TCF7: variants seen among roughly 807,000 people sequenced by gnomAD.
The protein encoded by TCF7 is transcription factor 7, also known as T-cell-factor-7.
In TCF7, 19 loss-of-function variants were observed where a neutral mutation model predicts 46.8. The ratio of observed to expected loss-of-function variants is 0.41; its 90% CI spans 0.28 to 0.60. The LOEUF (loss-of-function observed/expected upper bound fraction) is 0.60. TCF7 is among the 20% of genes least tolerant of loss of function. TCF7 has a pLI of 0.35. For missense variants in TCF7, 547 were observed against 504.6 expected, an observed-to-expected ratio of 1.08 and a Z score of -0.81; for synonymous variants, 245 against 213.4, an observed-to-expected ratio of 1.15 and a Z score of -1.29.
Position 134,142,768 on chromosome 5 carries a change from C to T in TCF7, c.803C>T (p.Thr268Ile), listed in dbSNP as rs770081890. ...SKAEKEAKKPTIKKPLNAFML... is the reference protein window; with the variant it reads ...SKAEKEAKKPIIKKPLNAFML... Reference sequence around the variant, plus strand: ...GCAGAGAAGGAGGCCAAGAAGCCAACCATCAAGAAGCCCCTCAATGCCTTC... The same window carrying T: ...GCAGAGAAGGAGGCCAAGAAGCCAATCATCAAGAAGCCCCTCAATGCCTTC... Residue 268 changes from threonine (T) to isoleucine (I), a missense_variant, in exon 7 of 10, where the codon ACC (threonine) becomes ATC (isoleucine). Coordinates refer to ENST00000342854, the MANE Select transcript of TCF7 (RefSeq NM_003202.5). 6.2e-7 allele frequency: 1 copy of T among 1,614,190 alleles called. No homozygotes were observed. Among genetic ancestry groups the T allele is most frequent in the South Asian group, 1.1e-5 (1 of 91,084 alleles).
At chr5:134,115,490 G>T in intron 2 of TCF7, 103 bp downstream of exon 2, 1 of 1,499,854 alleles carries the variant, frequency 6.7e-7, no homozygotes, top group Non-Finnish European at 8.9e-7. Context: ...CTCCCCCACC[G>T]CAGCTCAGGA....
In TCF7 at chr5:134,146,598, C is replaced by A. The variant is rs973924370; in HGVS notation, c.*295C>A. On this transcript the variant is annotated 3_prime_UTR_variant, in exon 10 of 10. Coordinates refer to ENST00000342854, the MANE Select transcript of TCF7 (RefSeq NM_003202.5). ...GAGACCCAGATCTCATGGAAACTGGCCAGGGGTCCTGTTAACGTCATCTCA... is the reference window on the plus strand; with the variant it reads ...GAGACCCAGATCTCATGGAAACTGGACAGGGGTCCTGTTAACGTCATCTCA... The A allele has an allele frequency of 1.4e-5, 10 of 689,718 alleles. No individual in the cohort carries two copies. The Admixed American group carries it at 2.3e-4, about 16-fold the overall frequency. The allele number at this position is 689,718 out of a possible 1,614,324, so 42.7% of individuals were successfully genotyped here.
chr5:134,109,770 C>CAAAAAAAAAAA (rs59510685), upstream of TCF7, among the ~76,000 whole-genome samples: 38 of 140,292 alleles, frequency 2.7e-4, no homozygotes, highest in African/African-American at 1.0e-3. Context: ...GGCTCCATCT[C>CAAAAAAAAAAA]AAAAAAAAAA....
intron 3 of TCF7, among the ~76,000 whole-genome samples, chr5:134,137,329 C>CCA (rs1033522911): frequency 3.0e-4 from 44 of 146,502 alleles, no homozygotes; most frequent in Admixed American, 4.3e-4. Flanking sequence ...GAAGCTGAGT[C>CCA]AGGAGAATCG....
the TCF7 span, among the ~76,000 whole-genome samples, chr5:134,108,448 G>C: frequency 2.0e-5 from 3 of 152,168 alleles, no homozygotes; most frequent in African/African-American, 7.2e-5. Flanking sequence ...AGTGACTACA[G>C]GATCTGGTAC....
upstream of TCF7, among the ~76,000 whole-genome samples, chr5:134,109,973 C>G (rs116235179): frequency 0.02 from 2,990 of 152,276 alleles, 105 homozygotes; most frequent in African/African-American, 0.068. Context: ...GGCCACTCCA[C>G]GTTTGCCTTC....
intron 9 of TCF7, 100 bp from the exon 10 acceptor site, chr5:134,146,124 A>C (rs1345108564): frequency 1.2e-6 from 2 of 1,609,342 alleles, no homozygotes; most frequent in African/African-American, 2.7e-5. Flanking sequence ...AGAGAGGACA[A>C]GGAATCAGCC....
At chr5:134,119,130 C>G (rs544167081) in intron 3 of TCF7, among the ~76,000 whole-genome samples, 10 of 152,170 alleles carry the variant, frequency 6.6e-5, no homozygotes, top group Non-Finnish European at 1.2e-4. Flanking sequence ...CTTAGGCAAA[C>G]TCAGGCTCAA....
At chr5:134,108,558 G>A in the TCF7 span, among the ~76,000 whole-genome samples, 3 of 152,158 alleles carry the variant, frequency 2.0e-5, no homozygotes, top group Non-Finnish European at 4.4e-5. Context: ...GGAATAAGAG[G>A]GTGAGCTTTC....
At chr5:134,109,067 T>G in the TCF7 span, among the ~76,000 whole-genome samples, 2 of 152,208 alleles carry the variant, frequency 1.3e-5, no homozygotes, top group African/African-American at 4.8e-5. Context: ...GTGAGTTGCC[T>G]GACGGCAGGT....
intron 3 of TCF7, among the ~76,000 whole-genome samples, chr5:134,130,103 CG>C (rs956926478): frequency 3.3e-5 from 5 of 152,174 alleles, no homozygotes; most frequent in Admixed American, 1.3e-4. Context: ...GTGCCTGGAG[CG>C]GGGGCTAGGG....
the TCF7 span, among the ~76,000 whole-genome samples, chr5:134,108,866 C>T: frequency 6.6e-6 from 1 of 152,180 alleles, no homozygotes; most frequent in Non-Finnish European, 1.5e-5. Context: ...GTGTGGCTTA[C>T]TGCCCCACCC....
At chr5:134,143,449 C>G in intron 8 of TCF7, 143 bp from the exon 9 acceptor site, 1 of 963,486 alleles carries the variant, frequency 1.0e-6, no homozygotes, top group Non-Finnish European at 1.7e-6. Context: ...CTAGCAAGAC[C>G]AGCAATCAAG....
chr5:134,145,597 C>G (rs1760576749), intron 9 of TCF7: 2 of 829,486 alleles, frequency 2.4e-6, no homozygotes, highest in Non-Finnish European at 1.9e-6. Context: ...CTAAGGAACA[C>G]TTGTCCAGCC....
rs150343910 is a variant in TCF7, at chr5:134,127,447, A to T, written c.442-10612A>T. On this transcript the variant is annotated intron_variant, in intron 3 of 9. Transcript: ENST00000342854. ...ACAGTTAAGACCTGTCTACAGGTGG[A>T]TCACTTCCTCTTTCTAGTGTTGGTC... Among the ~76,000 whole-genome samples, 3 of 152,236 alleles carry T rather than the reference A, an allele frequency of 2.0e-5. No individual in the cohort carries two copies. In the South Asian group the frequency reaches 6.2e-4, roughly 31 times the overall value.
chr5:134,111,109 T>C (rs1755325127), upstream of TCF7, among the ~76,000 whole-genome samples: 4 of 152,270 alleles, frequency 2.6e-5, no homozygotes, highest in African/African-American at 4.8e-5. Flanking sequence ...ATGACATCCA[T>C]TTAACCTATG....
intron 3 of TCF7, among the ~76,000 whole-genome samples, chr5:134,133,228 T>C (rs1758401124): frequency 6.6e-6 from 1 of 152,178 alleles, no homozygotes; most frequent in Non-Finnish European, 1.5e-5. Context: ...GAGGCATCAA[T>C]GCATTTAAAC....
At chr5:134,137,425 CA>C (rs752883165) in intron 3 of TCF7, among the ~76,000 whole-genome samples, 6,756 of 56,556 alleles carry the variant, frequency 0.12, 101 homozygotes, top group Admixed American at 0.2. Context: ...GACTCTGTCT[CA>C]AAAAAAAAAA....
At chr5:134,145,499 A>G (rs1405723193) in intron 9 of TCF7, 4 of 578,796 alleles carry the variant, frequency 6.9e-6, no homozygotes, top group African/African-American at 1.9e-5. Context: ...GGTTTACCCA[A>G]CAAGTGGTTA....
Sources: gnomAD v4.1 joint callset for allele counts (sites outside exome capture counted in the v4.1 genomes callset) on GRCh38, gnomAD v4.1.1 for gene constraint, MANE v1.5 for transcripts, NCBI Gene and HGNC (gene_info 2026-07-23, HGNC 2026-07-21) for gene names.